Variants in MYO1F observed in about 807,000 individuals in gnomAD.
The protein encoded by MYO1F is myosin IF, also known as unconventional myosin-If.
MYO1F carries 60 observed loss-of-function variants against 146.6 expected under a neutral mutation model. That is an observed-to-expected ratio of 0.41 (90% CI 0.33 to 0.51). The LOEUF (loss-of-function observed/expected upper bound fraction) is 0.51. Ranked by LOEUF, MYO1F falls within the 20% of genes least tolerant of loss-of-function variation. The pLI is 0.25. For missense variants in MYO1F, 1,274 were observed against 1,534.3 expected (o/e 0.83, Z 2.83); for synonymous variants, 602 against 602.1 (o/e 1.00, Z 0.00).
intron 14 of MYO1F, among the ~76,000 whole-genome samples, chr19:8,543,708 CTGG>C (rs1568348543): frequency 4.8e-5 from 1 of 20,932 alleles, no homozygotes; most frequent in Admixed American, 5.4e-4. Context: ...GGTGGTGGTG[CTGG>C]TGGTGGTGGT....
At position 8,536,584 on chromosome 19, in the gene MYO1F, C is replaced by G. The variant is rs749867467; in HGVS notation, c.1813G>C (p.Val605Leu). Reference sequence around the variant, plus strand: ...TTCTCCTTCAGGCCCAGGTATTCCACCTGGTGCTTGACTCTGGTGGGGAGG... The same window carrying G: ...TTCTCCTTCAGGCCCAGGTATTCCAGCTGGTGCTTGACTCTGGTGGGGAGG... ...DWEENRVKHQVEYLGLKENIR... is the reference protein window; with the variant it reads ...DWEENRVKHQLEYLGLKENIR... Residue 605 changes from valine to leucine, a missense_variant, in exon 18 of 28, where the codon GTG becomes CTG. Around this residue, in one of 2 missense-constraint regions of MYO1F, gnomAD observed 900 missense variants for 1,155.1 expected, o/e 0.78. Transcript: ENST00000644032. 5.8e-6 allele frequency: 8 copies of G among 1,391,284 alleles called. No homozygotes were observed. In the East Asian group the frequency reaches 3.3e-4, roughly 57 times the overall value. 86.2% of individuals were successfully genotyped at this position (1,391,284 alleles called of 1,614,324 possible). A position where few individuals can be genotyped will look rare whatever the true frequency, so the allele number is the denominator to read the frequency against.
intron 22 of MYO1F, 150 bp from the exon 23 acceptor site, chr19:8,527,085 G>T: frequency 8.8e-7 from 1 of 1,138,220 alleles, no homozygotes; most frequent in Non-Finnish European, 1.3e-6. Context: ...GGGGGATGTG[G>T]CAAGGAGTGG....
chr19:8,573,942 T>G (rs1280289887), intron 1 of MYO1F, among the ~76,000 whole-genome samples: 2 of 151,948 alleles, frequency 1.3e-5, no homozygotes, highest in African/African-American at 4.8e-5. Flanking sequence ...CAGTCACCAG[T>G]CCTATCCTGT....
chr19:8,556,050 A>T lies in MYO1F; in HGVS notation c.4-254T>A, dbSNP rs182868059. Among the ~76,000 whole-genome samples the T allele has an allele frequency of 8.0e-3, 1,207 of 150,470 alleles. 18 individuals are homozygous for T. Among genetic ancestry groups the T allele is most frequent in the African/African-American group, 0.028 (1,146 of 40,978 alleles). ...TTTTTATTTATTTATTTATTTTGAG[A>T]CAGAGTCTCACTCTGTCAGTCAGGC... On this transcript the variant is annotated intron_variant, in intron 1 of 27. Coordinates refer to ENST00000644032, the MANE Select transcript of MYO1F (RefSeq NM_012335.4).
At position 8,577,422 on chromosome 19, in the gene MYO1F, A is replaced by T; in HGVS notation, c.-113T>A. 1.6e-6 allele frequency: 2 copies of T among 1,216,796 alleles called. No individual in the cohort carries two copies. Among genetic ancestry groups the T allele is most frequent in the East Asian group, 2.4e-5 (1 of 41,212 alleles). 75.4% of individuals were successfully genotyped at this position (1,216,796 alleles called of 1,614,324 possible). On this transcript the variant is annotated 5_prime_UTR_variant, in exon 1 of 28. Transcript: ENST00000644032. The surrounding 1 kb of genome is among the most constrained non-coding windows in gnomAD (Gnocchi z 4.3). ...GGCATGGCCCTGCTTCTGCCCGTTCACCGGACTCCCGGCTTTAGTTCCTCT... is the reference window on the plus strand; with the variant it reads ...GGCATGGCCCTGCTTCTGCCCGTTCTCCGGACTCCCGGCTTTAGTTCCTCT...
intron 19 of MYO1F, among the ~76,000 whole-genome samples, chr19:8,531,589 C>T (rs777679368): frequency 6.6e-6 from 1 of 152,132 alleles, no homozygotes; most frequent in Non-Finnish European, 1.5e-5. Context: ...GACTGGACCT[C>T]CCTGTGCGTC....
At chr19:8,531,403 T>C (rs1972482432) in intron 19 of MYO1F, among the ~76,000 whole-genome samples, 1 of 152,086 alleles carries the variant, frequency 6.6e-6, no homozygotes, top group African/African-American at 2.4e-5. Context: ...GACTGGAGTG[T>C]GGTGGTGCAG....
chr19:8,524,010 T>C (rs1032298097), intron 25 of MYO1F, among the ~76,000 whole-genome samples: 1 of 147,424 alleles, frequency 6.8e-6, no homozygotes, highest in Non-Finnish European at 1.5e-5. Context: ...TCCCAGCTAC[T>C]CGGGAGGCTG....
In MYO1F at chr19:8,545,720, T is replaced by A. The variant is rs374616064; in HGVS notation, c.1286A>T (p.Glu429Val). Residue 429 changes from glutamate (E) to valine (V), a missense_variant, in exon 13 of 28, where the codon GAA becomes GTA. Glu to Val is a moderately radical substitution (Grantham distance 121, BLOSUM62 -2). Coordinates refer to ENST00000644032, the MANE Select transcript of MYO1F (RefSeq NM_012335.4). ...CTGGATTGGAGTCCAGCGGATGCCT[T>A]CCTGCACATACTCCTCCTGGGGTGG... ...LKAEQEEYVQ[E>V]GIRWTPIQYF... is the part of the protein sequence containing the mutation. 1 of 1,613,916 alleles carries A rather than the reference T, an allele frequency of 6.2e-7. No individual in the cohort carries two copies. The highest frequency in any genetic ancestry group is 8.5e-7 in the Non-Finnish European group (1 of 1,179,946).
intron 1 of MYO1F, among the ~76,000 whole-genome samples, chr19:8,557,935 C>T (rs1487521130): frequency 6.6e-6 from 1 of 152,112 alleles, no homozygotes; most frequent in African/African-American, 2.4e-5. Flanking sequence ...TCACACATAC[C>T]AGCTGGTCCC....
intron 1 of MYO1F, among the ~76,000 whole-genome samples, chr19:8,565,176 C>T (rs188567616): frequency 3.9e-5 from 6 of 152,104 alleles, no homozygotes; most frequent in African/African-American, 9.6e-5. Context: ...GGAGTACAGG[C>T]GTGAGCCACC....
chr19:8,569,189 A>G (rs1377035400), intron 1 of MYO1F, among the ~76,000 whole-genome samples: 1 of 152,106 alleles, frequency 6.6e-6, no homozygotes, highest in Non-Finnish European at 1.5e-5. Context: ...GTGGCCTCCA[A>G]GTCTCCATGG....
chr19:8,552,218 G>C, intron 6 of MYO1F, 54 bp from the exon 7 acceptor site: 1 of 1,604,814 alleles, frequency 6.2e-7, no homozygotes, highest in Non-Finnish European at 8.5e-7. Context: ...GCAGGTGGGG[G>C]AAGGGTTGGG....
rs746130751 is a variant in MYO1F at position 8,550,633 on chromosome 19, G to A, written c.833C>T (p.Ala278Val). 11 of 1,614,112 alleles carry A rather than the reference G, an allele frequency of 6.8e-6. No individual in the cohort carries two copies. Among genetic ancestry groups the A allele is most frequent in the South Asian group, 1.1e-5 (1 of 91,086 alleles). ...SIQQLVLQLV[A>V]GILHLGNISF... ...GATGTTCCCCAGGTGCAAGATCCCC[G>A]CCACGAGCTGCAGGACCAGCTGCTG... Residue 278 changes from alanine to valine, a missense_variant, in exon 9 of 28, where the codon GCG becomes GTG. Physicochemically the swap from Ala to Val is moderately conservative, Grantham distance 64. Transcript: ENST00000644032.
chr19:8,532,165 AAG>A (rs958854726), intron 19 of MYO1F, among the ~76,000 whole-genome samples: 2 of 152,030 alleles, frequency 1.3e-5, no homozygotes, highest in African/African-American at 4.8e-5. Context: ...CAAAAAAAAA[AAG>A]AAAGAAAAAG....
chr19:8,576,264 G>T (rs1248847832), intron 1 of MYO1F, among the ~76,000 whole-genome samples: 1 of 152,178 alleles, frequency 6.6e-6, no homozygotes, highest in East Asian at 1.9e-4. Flanking sequence ...CTCCTAAAAT[G>T]CTGGGATTAC....
intron 6 of MYO1F, 102 bp from the exon 7 acceptor site, chr19:8,552,266 C>CTTT: frequency 1.8e-6 from 2 of 1,120,472 alleles, no homozygotes; most frequent in Non-Finnish European, 2.5e-6. Flanking sequence ...TCCCTTCTTC[C>CTTT]TTTTTTTTTT....
intron 12 of MYO1F, among the ~76,000 whole-genome samples, chr19:8,547,312 A>G (rs1371697222): frequency 6.7e-6 from 1 of 149,536 alleles, no homozygotes; most frequent in African/African-American, 2.5e-5. Flanking sequence ...AAAAAAAAAA[A>G]AAAAAAAAAA....
At chr19:8,547,603 C>CAAAAAA (rs146542478) in intron 12 of MYO1F, among the ~76,000 whole-genome samples, 38 of 114,240 alleles carry the variant, frequency 3.3e-4, no homozygotes, top group Middle Eastern at 4.8e-3. Context: ...GACTTTGTCT[C>CAAAAAA]AAAAAAAAAA....
Sources: gnomAD v4.1 joint callset for allele counts (sites outside exome capture counted in the v4.1 genomes callset) on GRCh38, gnomAD v4.1.1 for gene constraint, gnomAD v4.1.1 regional missense constraint, Gnocchi (gnomAD v3.1) non-coding constraint, MANE v1.5 for transcripts, NCBI Gene and HGNC (gene_info 2026-07-23, HGNC 2026-07-21) for gene names.